GALNT13: variants seen among roughly 807,000 people sequenced by gnomAD.
GALNT13 encodes polypeptide N-acetylgalactosaminyltransferase 13.
Under a neutral mutation model 64.2 loss-of-function variants are expected in GALNT13, and 28 were observed. The ratio of observed to expected loss-of-function variants is 0.44; its 90% CI spans 0.32 to 0.60. GALNT13 has a LOEUF of 0.60. Ranked by LOEUF, GALNT13 falls within the 20% of genes least tolerant of loss-of-function variation. The pLI, the probability that GALNT13 is intolerant of heterozygous loss-of-function variation, is 0.05. For synonymous variants in GALNT13, 214 were observed against 224.6 expected (o/e 0.95, Z 0.42); for missense variants, 577 against 669.8 (o/e 0.86, Z 1.53).
chr2:153,502,039 G>T, the GALNT13 span, among the ~76,000 whole-genome samples: 2 of 151,934 alleles, frequency 1.3e-5, no homozygotes, highest in African/African-American at 4.8e-5. Flanking sequence ...AGTAAGAAAA[G>T]TTAAAAAAAA....
At chr2:153,528,375 A>T in the GALNT13 span, among the ~76,000 whole-genome samples, 14 of 152,054 alleles carry the variant, frequency 9.2e-5, no homozygotes, top group Non-Finnish European at 1.8e-4. Context: ...CAGCAAGAGG[A>T]TATAACAAAT....
At chr2:154,145,100 C>CTATATA (rs1553484442) in intron 4 of GALNT13, among the ~76,000 whole-genome samples, 94 of 119,498 alleles carry the variant, frequency 7.9e-4, no homozygotes, top group Middle Eastern at 8.9e-3. Flanking sequence ...ATCTATCTAT[C>CTATATA]TATATATATA....
chr2:153,076,847 A>G, the GALNT13 span, among the ~76,000 whole-genome samples: 3 of 152,028 alleles, frequency 2.0e-5, no homozygotes, highest in East Asian at 5.8e-4. Flanking sequence ...ATGTTTTATT[A>G]TCTAATTGTG....
chr2:153,727,318 G>A, the GALNT13 span, among the ~76,000 whole-genome samples: 1 of 152,126 alleles, frequency 6.6e-6, no homozygotes, highest in Non-Finnish European at 1.5e-5. Flanking sequence ...TTTGTTTGTA[G>A]TTGTACATCA....
At chr2:154,087,757 T>G (rs1701605796) in intron 3 of GALNT13, among the ~76,000 whole-genome samples, 1 of 152,076 alleles carries the variant, frequency 6.6e-6, no homozygotes, top group Admixed American at 6.6e-5. Flanking sequence ...GATGTTTCTC[T>G]TAGACCTCAG....
chr2:153,572,014 A>G, the GALNT13 span, among the ~76,000 whole-genome samples: 698 of 151,834 alleles, frequency 4.6e-3, 4 homozygotes, highest in Non-Finnish European at 6.4e-3. Flanking sequence ...ATAGTTGGGT[A>G]GGGTTAATAT....
the GALNT13 span, among the ~76,000 whole-genome samples, chr2:153,733,728 G>A: frequency 6.6e-6 from 1 of 152,190 alleles, no homozygotes; most frequent in Admixed American, 6.6e-5. Flanking sequence ...ATGGTGGAAA[G>A]TGGAAGCCAC....
the GALNT13 span, among the ~76,000 whole-genome samples, chr2:153,444,244 G>T: frequency 6.6e-6 from 1 of 152,054 alleles, no homozygotes; most frequent in African/African-American, 2.4e-5. Flanking sequence ...CAACTACCTA[G>T]GGTGATAGTT....
the GALNT13 span, among the ~76,000 whole-genome samples, chr2:153,740,304 A>G: frequency 6.6e-6 from 1 of 152,028 alleles, no homozygotes; most frequent in South Asian, 2.1e-4. Flanking sequence ...TGTTTTATTC[A>G]TATTGGATCA....
chr2:153,126,323 TATATATATATATATA>T, the GALNT13 span, among the ~76,000 whole-genome samples: 323 of 116,718 alleles, frequency 2.8e-3, 4 homozygotes, highest in African/African-American at 8.7e-3. Flanking sequence ...TATATATATA[TATATATATATATATA>T]TATATATATG....
the GALNT13 span, among the ~76,000 whole-genome samples, chr2:153,619,570 C>A: frequency 2.0e-5 from 3 of 152,034 alleles, no homozygotes; most frequent in Admixed American, 6.6e-5. Flanking sequence ...TATTAAAGTA[C>A]CCCCTTTAGC....
chr2:153,872,781 T>C (rs1355875733), intron 1 of GALNT13, among the ~76,000 whole-genome samples: 1 of 152,128 alleles, frequency 6.6e-6, no homozygotes, highest in Non-Finnish European at 1.5e-5. Flanking sequence ...AGGCGCTCCC[T>C]GGGTCTTGGG....
At chr2:154,219,383 A>G (rs1041756169) in intron 4 of GALNT13, among the ~76,000 whole-genome samples, 6 of 152,100 alleles carry the variant, frequency 3.9e-5, no homozygotes, top group African/African-American at 9.7e-5. Context: ...ATTTGAATTC[A>G]GGCAAATCTG....
the GALNT13 span, among the ~76,000 whole-genome samples, chr2:153,511,424 T>G: frequency 6.6e-6 from 1 of 152,048 alleles, no homozygotes; most frequent in Non-Finnish European, 1.5e-5. Context: ...ATAGATTCAG[T>G]AGGGTTTCAA....
chr2:154,393,783 A>C (rs1318620356), intron 9 of GALNT13, among the ~76,000 whole-genome samples: 7 of 152,158 alleles, frequency 4.6e-5, no homozygotes. Flanking sequence ...GACCTCATAT[A>C]AAATGGTATG....
chr2:153,181,159 C>G, the GALNT13 span, among the ~76,000 whole-genome samples: 4 of 147,450 alleles, frequency 2.7e-5, no homozygotes, highest in East Asian at 8.2e-4. Flanking sequence ...GTAAATTTTC[C>G]TCTTAGAACT....
At chr2:153,368,220 G>A in the GALNT13 span, among the ~76,000 whole-genome samples, 14 of 152,068 alleles carry the variant, frequency 9.2e-5, no homozygotes, top group African/African-American at 3.4e-4. Context: ...ATTAGGAGGT[G>A]GGGCCTTTGG....
At chr2:153,139,441 T>C in the GALNT13 span, among the ~76,000 whole-genome samples, 1 of 151,964 alleles carries the variant, frequency 6.6e-6, no homozygotes, top group East Asian at 1.9e-4. Context: ...TGATAAGATT[T>C]ATAATGGAAG....
At chr2:153,133,025 A>G in the GALNT13 span, among the ~76,000 whole-genome samples, 1 of 151,690 alleles carries the variant, frequency 6.6e-6, no homozygotes, top group Non-Finnish European at 1.5e-5. Context: ...GCCAGGCCTA[A>G]ACTGTGTTAA....
Sources: allele counts gnomAD v4.1 joint callset (sites outside exome capture counted in the v4.1 genomes callset), GRCh38; gene constraint gnomAD v4.1.1; transcripts MANE v1.5; gene names NCBI Gene and HGNC (gene_info 2026-07-23, HGNC 2026-07-21).